FAM135B: variants seen among roughly 807,000 people sequenced by gnomAD.
The protein encoded by FAM135B is family with sequence similarity 135 member B, also known as protein FAM135B.
FAM135B carries 43 observed loss-of-function variants against 127.7 expected under a neutral mutation model. The observed-to-expected ratio is 0.34, with a 90% confidence interval of 0.26 to 0.43. FAM135B has a LOEUF of 0.43. Ranked by LOEUF, FAM135B falls within the 20% of genes least tolerant of loss-of-function variation. The pLI is 1.00. For missense variants in FAM135B, 1,558 were observed against 1,725.6 expected, an observed-to-expected ratio of 0.90 and a Z score of 1.72; for synonymous variants, 670 against 665.1, an observed-to-expected ratio of 1.01 and a Z score of -0.11.
intron 2 of FAM135B, among the ~76,000 whole-genome samples, chr8:138,334,559 A>G (rs1001497709): frequency 6.6e-6 from 1 of 152,004 alleles, no homozygotes; most frequent in African/African-American, 2.4e-5. Flanking sequence ...CTACCTTCCC[A>G]TAGGGCCCAG....
intron 3 of FAM135B, among the ~76,000 whole-genome samples, chr8:138,292,624 T>C (rs1825195776): frequency 6.6e-6 from 1 of 152,060 alleles, no homozygotes; most frequent in Non-Finnish European, 1.5e-5. Flanking sequence ...GAAAAATTGT[T>C]TTAAAATTCA....
At chr8:138,430,613 G>A (rs1835143991) in intron 1 of FAM135B, among the ~76,000 whole-genome samples, 1 of 152,128 alleles carries the variant, frequency 6.6e-6, no homozygotes, top group South Asian at 2.1e-4. Flanking sequence ...CTCAAACTTG[G>A]AAGGAAAACA....
intron 3 of FAM135B, among the ~76,000 whole-genome samples, chr8:138,310,554 C>T (rs1467791546): frequency 6.6e-6 from 1 of 152,200 alleles, no homozygotes; most frequent in African/African-American, 2.4e-5. Flanking sequence ...TTCCTACCAG[C>T]GTCCTCCCTG....
chr8:138,300,604 T>C (rs886300922), intron 3 of FAM135B, among the ~76,000 whole-genome samples: 15 of 152,164 alleles, frequency 9.9e-5, no homozygotes, highest in Admixed American at 7.9e-4. Context: ...AAAGACTAAA[T>C]CATGTAATTA....
At position 138,167,984 on chromosome 8, in the gene FAM135B, G is replaced by A. The variant is rs767500178; in HGVS notation, c.1169C>T (p.Pro390Leu). The change falls in exon 12 of 20, where the codon CCG (proline) becomes CTG (leucine). Residue 390 changes from proline to leucine, a missense_variant. By Grantham distance (98) the Pro-to-Leu change is moderately conservative (BLOSUM62 -3). Around this residue, in one of 5 missense-constraint regions of FAM135B, gnomAD observed 115 missense variants for 171.1 expected, o/e 0.67. Coordinates refer to ENST00000395297, the MANE Select transcript of FAM135B (RefSeq NM_015912.4). ...GATGTCCAGGCACTCTGCAGGCAGC[G>A]GGGGCATGCTAGTGAGGTACTCCGA... ...RNSEYLTSMP[P>L]LPAECLDIDG... 5 of 1,613,916 alleles carry A rather than the reference G, an allele frequency of 3.1e-6. No homozygotes were observed. Among genetic ancestry groups the A allele is most frequent in the East Asian group, 2.2e-5 (1 of 44,860 alleles).
intron 2 of FAM135B, among the ~76,000 whole-genome samples, chr8:138,335,134 G>C (rs1464755553): frequency 1.3e-5 from 2 of 152,114 alleles, no homozygotes; most frequent in Admixed American, 6.5e-5. Flanking sequence ...ATGTAATACA[G>C]ATATCAGAAA....
intron 11 of FAM135B, among the ~76,000 whole-genome samples, chr8:138,175,429 G>A (rs1357822973): frequency 6.6e-6 from 1 of 152,200 alleles, no homozygotes; most frequent in South Asian, 2.1e-4. Context: ...TGTAACCCCA[G>A]ACACTGTTCA....
chr8:138,223,269 A>T (rs1250020885), intron 7 of FAM135B, among the ~76,000 whole-genome samples: 3 of 152,238 alleles, frequency 2.0e-5, no homozygotes, highest in Non-Finnish European at 4.4e-5. Flanking sequence ...TAGTCTGGAA[A>T]TGTACAGTGA....
At chr8:138,306,533 G>C (rs1425808649) in intron 3 of FAM135B, among the ~76,000 whole-genome samples, 2 of 150,176 alleles carry the variant, frequency 1.3e-5, no homozygotes, top group East Asian at 3.9e-4. Flanking sequence ...TCTCTCTAAG[G>C]GTCCACAGGA....
At chr8:138,333,526 G>A (rs1388548862) in intron 2 of FAM135B, among the ~76,000 whole-genome samples, 1 of 152,084 alleles carries the variant, frequency 6.6e-6, no homozygotes, top group African/African-American at 2.4e-5. Flanking sequence ...ATCCTCTGTT[G>A]TCTAAGGGCC....
chr8:138,320,518 C>T (rs896994635), intron 2 of FAM135B, among the ~76,000 whole-genome samples: 4 of 152,182 alleles, frequency 2.6e-5, no homozygotes, highest in African/African-American at 9.7e-5. Flanking sequence ...TATCGTCTCT[C>T]GTTTCATGTA....
At chr8:138,259,314 C>A (rs1032916862) in intron 4 of FAM135B, among the ~76,000 whole-genome samples, 2 of 152,206 alleles carry the variant, frequency 1.3e-5, no homozygotes, top group Non-Finnish European at 2.9e-5. Context: ...GCTAAGAGGG[C>A]AGCTTCTGAA....
intron 2 of FAM135B, among the ~76,000 whole-genome samples, chr8:138,360,646 T>C (rs1286729231): frequency 2.0e-5 from 3 of 152,244 alleles, no homozygotes; most frequent in South Asian, 2.1e-4. Flanking sequence ...AATCCCATCA[T>C]TTCCAACCTT....
At chr8:138,147,140 A>T (rs963910138) in intron 14 of FAM135B, among the ~76,000 whole-genome samples, 1 of 152,064 alleles carries the variant, frequency 6.6e-6, no homozygotes, top group Non-Finnish European at 1.5e-5. Flanking sequence ...TCATTTTTTT[A>T]AAGGAAATCT....
intron 3 of FAM135B, among the ~76,000 whole-genome samples, chr8:138,308,038 T>C (rs1226191726): frequency 1.3e-5 from 2 of 152,184 alleles, no homozygotes; most frequent in Non-Finnish European, 2.9e-5. Flanking sequence ...CGAGAGTCTA[T>C]TTCCGTTCCC....
rs146649599 is a variant in FAM135B at position 138,139,116 on chromosome 8, A to G, written c.3791-20T>C. 2.0e-4 allele frequency: 314 copies of G among 1,532,904 alleles called. 1 individual carries two copies. In the African/African-American group the frequency reaches 3.6e-3, roughly 18 times the overall value. 95.0% of individuals were successfully genotyped at this position (1,532,904 alleles called of 1,614,324 possible). Reference sequence around the variant, plus strand: ...ATAAGCCTAGGAAGACAAAAACAAAATAAAAATCAAAAACACAAAACAAAA... The same window carrying G: ...ATAAGCCTAGGAAGACAAAAACAAAGTAAAAATCAAAAACACAAAACAAAA... On this transcript the variant is annotated intron_variant, in intron 17 of 19. Transcript: ENST00000395297.
intron 4 of FAM135B, among the ~76,000 whole-genome samples, chr8:138,264,717 A>G (rs1421464313): frequency 1.3e-5 from 2 of 152,182 alleles, no homozygotes; most frequent in African/African-American, 4.8e-5. Flanking sequence ...AGAATGAGTG[A>G]CAGCTTTTCA....
chr8:138,382,770 G>GA (rs1230316733), intron 1 of FAM135B, among the ~76,000 whole-genome samples: 2 of 151,990 alleles, frequency 1.3e-5, no homozygotes, highest in African/African-American at 4.8e-5. Context: ...TTGCAATTTA[G>GA]AAAAAAACAA....
chr8:138,377,461 G>T (rs1028338252), intron 1 of FAM135B, among the ~76,000 whole-genome samples: 9 of 152,174 alleles, frequency 5.9e-5, no homozygotes, highest in Admixed American at 5.2e-4. Context: ...CAAGAGCAGA[G>T]CATCTGGTGT....
Sources: gnomAD v4.1 joint callset for allele counts (sites outside exome capture counted in the v4.1 genomes callset) on GRCh38, gnomAD v4.1.1 for gene constraint, gnomAD v4.1.1 regional missense constraint, MANE v1.5 for transcripts, NCBI Gene and HGNC (gene_info 2026-07-23, HGNC 2026-07-21) for gene names.